Variants in CDC42BPB observed in about 807,000 individuals in gnomAD.
The protein encoded by CDC42BPB is CDC42 binding protein kinase beta.
In CDC42BPB, 37 loss-of-function variants were observed where a neutral mutation model predicts 214.9. That is an observed-to-expected ratio of 0.17 (90% CI 0.13 to 0.23). The LOEUF is 0.23. Ranked by LOEUF, CDC42BPB falls within the 10% of genes least tolerant of loss-of-function variation. CDC42BPB has a pLI of 1.00. For missense variants in CDC42BPB, 1,694 were observed against 2,227.0 expected, an observed-to-expected ratio of 0.76 and a Z score of 4.82; for synonymous variants, 931 against 884.0, an observed-to-expected ratio of 1.05 and a Z score of -0.94.
chr14:102,968,719 G>C lies in CDC42BPB; in HGVS notation c.1996-3C>G. The C allele has an allele frequency of 6.2e-7, 1 of 1,613,382 alleles. No individual in the cohort carries two copies. ...GCTCCCCGGCCTCCTTGCTTCACCT[G>C]AAGACAAAGGTTAACATAAATTGAC... On this transcript the variant is annotated splice_region_variant and splice_polypyrimidine_tract_variant and intron_variant, in intron 14 of 36. Transcript: ENST00000361246.
chr14:103,000,781 T>G (rs1894942154), intron 4 of CDC42BPB, among the ~76,000 whole-genome samples: 1 of 152,198 alleles, frequency 6.6e-6, no homozygotes, highest in South Asian at 2.1e-4. Flanking sequence ...GCCCAGGCTG[T>G]GAGACACAGG....
In CDC42BPB at chr14:102,966,282, C is replaced by T. The variant is rs1471706855; in HGVS notation, c.2577G>A (p.Leu859=). ...AATGCAGGCATTACACAAAACCTACCAGTGTTCTTGACCCCAGACTAGAAC... is the reference window on the plus strand; with the variant it reads ...AATGCAGGCATTACACAAAACCTACTAGTGTTCTTGACCCCAGACTAGAAC... The part of the protein sequence containing the change: ...LRSSSLGSRT[L]DPLWKVRRSQ... Residue 859 remains leucine (L), a splice_region_variant and synonymous_variant, in exon 18 of 37, where the codon CTG becomes CTA. Coordinates refer to ENST00000361246, the MANE Select transcript of CDC42BPB (RefSeq NM_006035.4). 6.2e-7 allele frequency: 1 copy of T among 1,609,664 alleles called. No individual in the cohort carries two copies. Among genetic ancestry groups the T allele is most frequent in the Non-Finnish European group, 8.5e-7 (1 of 1,176,052 alleles).
At chr14:102,936,233 C>A (rs930071284) in intron 36 of CDC42BPB, among the ~76,000 whole-genome samples, 9 of 152,320 alleles carry the variant, frequency 5.9e-5, no homozygotes, top group East Asian at 1.9e-4. Context: ...ATAAATCCAG[C>A]AATCCCACTC....
intron 1 of CDC42BPB, among the ~76,000 whole-genome samples, chr14:103,013,062 A>G (rs902926567): frequency 6.6e-5 from 10 of 152,230 alleles, no homozygotes; most frequent in African/African-American, 2.4e-4. Context: ...AGTATACTTC[A>G]GTATCTATCA....
intron 27 of CDC42BPB, 131 bp downstream of exon 27, chr14:102,947,590 A>C (rs1892241448): frequency 1.3e-6 from 1 of 794,120 alleles, no homozygotes; most frequent in Admixed American, 1.9e-5. Context: ...AAGGACCTGG[A>C]GCCAGGCTGG....
rs542381841 is a variant in CDC42BPB at position 102,974,236 on chromosome 14, T to C, written c.1508-87A>G. The C allele has an allele frequency of 1.0e-4, 162 of 1,545,234 alleles. No homozygotes were observed. The South Asian group carries it at 1.8e-3, about 17-fold the overall frequency. ...GTTAGCTGACTTACTGACAGGAAAT[T>C]ATTTAATAATTCACAACACTTTTTC... On this transcript the variant is annotated intron_variant, in intron 11 of 36. Transcript: ENST00000361246.
intron 1 of CDC42BPB, chr14:103,041,549 C>A (rs1887994896): frequency 1.5e-6 from 2 of 1,346,312 alleles, no homozygotes; most frequent in African/African-American, 1.4e-5. Flanking sequence ...GTTCAACCAG[C>A]CGGCCCGAAG....
At chr14:102,959,859 A>G (rs1892879006) in intron 20 of CDC42BPB, 149 bp from the exon 21 acceptor site, 1 of 1,262,666 alleles carries the variant, frequency 7.9e-7, no homozygotes, top group Non-Finnish European at 1.0e-6. Context: ...AAAAAAAAAA[A>G]AGGGGTCAGG....
rs535156326 is a variant in CDC42BPB, at chr14:102,971,223, T to C, written c.1884+696A>G. On this transcript the variant is annotated intron_variant, in intron 13 of 36. Transcript: ENST00000361246. ...AGATATTAAAGAACAGCTAACAAAA[T>C]GTAAAAAATGCCATTCTTCCTGCCA... 1.0e-3 allele frequency among the ~76,000 whole-genome samples: 158 copies of C among 152,302 alleles called. 1 individual carries two copies. Among genetic ancestry groups the C allele is most frequent in the African/African-American group, 3.7e-3 (155 of 41,572 alleles).
intron 1 of CDC42BPB, among the ~76,000 whole-genome samples, chr14:103,014,985 C>G (rs1262201356): frequency 1.3e-5 from 2 of 152,228 alleles, no homozygotes; most frequent in Non-Finnish European, 2.9e-5. Flanking sequence ...GTCACCCGGG[C>G]TTCCTTGTCA....
chr14:102,992,525 C>T (rs529500713), intron 5 of CDC42BPB, among the ~76,000 whole-genome samples: 5 of 152,326 alleles, frequency 3.3e-5, no homozygotes, highest in African/African-American at 1.2e-4. Flanking sequence ...TGCCGCCTCC[C>T]AGCCTGCGCT....
rs201732059 is a variant in CDC42BPB at position 102,964,857 on chromosome 14, CTAAA to C, written c.2578-211_2578-208del. On this transcript the variant is annotated intron_variant, in intron 18 of 36. Coordinates refer to ENST00000361246, the MANE Select transcript of CDC42BPB (RefSeq NM_006035.4). ...TCCTCAGAAATCTTCTAAAAAATAA[CTAAA>C]TAATTTACTTTATCTTTTAGAAGAA... 105 of 658,556 alleles carry C rather than the reference CTAAA, an allele frequency of 1.6e-4. 1 individual carries two copies. The East Asian group carries it at 7.5e-3, about 47-fold the overall frequency. The allele number at this position is 658,556 out of a possible 1,614,324, so 40.8% of individuals were successfully genotyped here.
At chr14:103,016,658 T>C (rs946644980) in intron 1 of CDC42BPB, among the ~76,000 whole-genome samples, 2 of 151,734 alleles carry the variant, frequency 1.3e-5, no homozygotes, top group African/African-American at 2.4e-5. Flanking sequence ...ACTGTCCAAG[T>C]GAGGAGTTAT....
intron 5 of CDC42BPB, among the ~76,000 whole-genome samples, chr14:102,987,775 C>CCACCAACA (rs1894308875): frequency 8.5e-6 from 1 of 117,684 alleles, no homozygotes; most frequent in African/African-American, 3.2e-5. Flanking sequence ...AAACAAAATC[C>CCACCAACA]CACAAACACA....
At position 103,057,036 on chromosome 14, in the gene CDC42BPB, C is replaced by T. The variant is rs770019893; in HGVS notation, c.138G>A (p.Leu46=). The T allele has an allele frequency of 5.3e-6, 8 of 1,514,458 alleles. No homozygotes were observed. Among genetic ancestry groups the T allele is most frequent in the Non-Finnish European group, 7.0e-6 (8 of 1,136,190 alleles). The allele number at this position is 1,514,458 out of a possible 1,614,324, so 93.8% of individuals were successfully genotyped here. Residue 46 remains leucine (L), a synonymous_variant, in exon 1 of 37, where the codon CTG becomes CTA. Coordinates refer to ENST00000361246, the MANE Select transcript of CDC42BPB (RefSeq NM_006035.4). ...ACTCGGCCACGTACTTGTCGCGGCGCAGGGCCGAGTGGCTGCACTCGGTGT... is the reference window on the plus strand; with the variant it reads ...ACTCGGCCACGTACTTGTCGCGGCGTAGGGCCGAGTGGCTGCACTCGGTGT... ...CLYTECSHSA[L]RRDKYVAEFL... is the part of the protein sequence containing the mutation.
intron 18 of CDC42BPB, chr14:102,964,922 CTTTTCT>C (rs1317019741): frequency 3.5e-5 from 13 of 366,962 alleles, no homozygotes; most frequent in African/African-American, 6.7e-5. Context: ...CTTTTCTTTT[CTTTTCT>C]TTTTTTTTTT....
chr14:103,003,514 G>T (rs543587465), intron 4 of CDC42BPB, among the ~76,000 whole-genome samples: 1 of 152,194 alleles, frequency 6.6e-6, no homozygotes, highest in Non-Finnish European at 1.5e-5. Context: ...CCCCCCCACC[G>T]CGGGAAGACA....
chr14:102,973,991 T>C (rs1446683326), intron 12 of CDC42BPB, 25 bp downstream of exon 12: 1 of 1,585,380 alleles, frequency 6.3e-7, no homozygotes, highest in Admixed American at 1.9e-5. Flanking sequence ...CGTAAGCCTT[T>C]CTCACCCCAA....
At chr14:102,990,111 C>T (rs558407432) in intron 5 of CDC42BPB, among the ~76,000 whole-genome samples, 1 of 152,142 alleles carries the variant, frequency 6.6e-6, no homozygotes, top group Non-Finnish European at 1.5e-5. Context: ...AGCACGCTAA[C>T]GTCCTACGTA....
Sources: allele counts gnomAD v4.1 joint callset (sites outside exome capture counted in the v4.1 genomes callset), GRCh38; gene constraint gnomAD v4.1.1; transcripts MANE v1.5; gene names NCBI Gene and HGNC (gene_info 2026-07-23, HGNC 2026-07-21).